The following ABCA13 variants were observed in gnomAD, a reference collection of about 807,000 sequenced individuals.
The protein encoded by ABCA13 is ATP-binding cassette sub-family A member 13.
In ABCA13, 476 loss-of-function variants were observed where a neutral mutation model predicts 478.7. That is an observed-to-expected ratio of 0.99 (90% CI 0.92 to 1.07). ABCA13 has a LOEUF of 1.07. ABCA13 is among the 50% of genes least tolerant of loss of function. The pLI is 0.00. For missense variants in ABCA13, 6,060 were observed against 5,910.6 expected, an observed-to-expected ratio of 1.03 and a Z score of -0.83; for synonymous variants, 2,252 against 2,158.9, an observed-to-expected ratio of 1.04 and a Z score of -1.20.
chr7:48,446,220 C>A (rs1234766447), intron 42 of ABCA13, among the ~76,000 whole-genome samples: 2 of 152,084 alleles, frequency 1.3e-5, no homozygotes, highest in Non-Finnish European at 2.9e-5. Flanking sequence ...CATTAAGGAG[C>A]ACCCCAAGTT....
chr7:48,268,850 CT>C (rs57201740), intron 15 of ABCA13, 129 bp from the exon 16 acceptor site: 31,273 of 244,626 alleles, frequency 0.13, 261 homozygotes, highest in South Asian at 0.16. Flanking sequence ...TCCTACTCAT[CT>C]TTTTTTTTTT....
chr7:48,536,146 C>T (rs1184048677), intron 55 of ABCA13, among the ~76,000 whole-genome samples: 1 of 152,188 alleles, frequency 6.6e-6, no homozygotes, highest in Non-Finnish European at 1.5e-5. Flanking sequence ...CCTCCTTTCC[C>T]TCTATGGTAA....
intron 55 of ABCA13, among the ~76,000 whole-genome samples, chr7:48,549,592 T>A (rs1785127940): frequency 6.6e-6 from 1 of 151,856 alleles, no homozygotes; most frequent in Admixed American, 6.6e-5. Context: ...GTAATTGGAT[T>A]GCTGGATCAA....
chr7:48,219,538 T>C (rs1213507146), intron 4 of ABCA13, 33 bp downstream of exon 4: 4 of 1,589,010 alleles, frequency 2.5e-6, no homozygotes, highest in East Asian at 4.5e-5. Context: ...TGACACTACC[T>C]ACCTGGACAT....
intron 2 of ABCA13, among the ~76,000 whole-genome samples, chr7:48,195,572 T>C (rs1562750944): frequency 6.6e-6 from 1 of 151,972 alleles, no homozygotes; most frequent in African/African-American, 2.4e-5. Context: ...ACAGGACATG[T>C]GGGGGATTTG....
chr7:48,300,349 G>T (rs1563000531), intron 23 of ABCA13, among the ~76,000 whole-genome samples: 1 of 152,218 alleles, frequency 6.6e-6, no homozygotes, highest in South Asian at 2.1e-4. Flanking sequence ...TGCATGACAG[G>T]CATGGTCCCA....
intron 3 of ABCA13, among the ~76,000 whole-genome samples, chr7:48,210,225 A>C (rs1342406116): frequency 2.0e-5 from 3 of 152,136 alleles, no homozygotes; most frequent in African/African-American, 7.2e-5. Flanking sequence ...AGAAGCATAG[A>C]GCAAAGGGGG....
intron 3 of ABCA13, among the ~76,000 whole-genome samples, chr7:48,215,715 C>T (rs1040160142): frequency 3.9e-5 from 6 of 152,186 alleles, no homozygotes; most frequent in African/African-American, 1.2e-4. Flanking sequence ...CCCAACCTGA[C>T]AAGAAAATCT....
intron 59 of ABCA13, among the ~76,000 whole-genome samples, chr7:48,622,633 CT>C (rs1399866508): frequency 1.3e-5 from 2 of 152,084 alleles, no homozygotes; most frequent in Non-Finnish European, 2.9e-5. Context: ...TCTTTTATCT[CT>C]TTTGTCTTCA....
At chr7:48,189,857 A>G (rs1796861067) in intron 1 of ABCA13, among the ~76,000 whole-genome samples, 1 of 152,242 alleles carries the variant, frequency 6.6e-6, no homozygotes, top group Non-Finnish European at 1.5e-5. Context: ...GTAATACCAT[A>G]AGCCATGAAA....
At chr7:48,292,066 C>A (rs1462572868) in intron 20 of ABCA13, among the ~76,000 whole-genome samples, 1 of 152,166 alleles carries the variant, frequency 6.6e-6, no homozygotes, top group Non-Finnish European at 1.5e-5. Context: ...ACCTAAAAAT[C>A]CCAATTACTT....
chr7:48,317,856 C>T (rs945588567), intron 27 of ABCA13, among the ~76,000 whole-genome samples: 14 of 152,150 alleles, frequency 9.2e-5, no homozygotes, highest in Admixed American at 2.6e-4. Flanking sequence ...TTTTCCTTTC[C>T]TTACATTGTT....
intron 59 of ABCA13, among the ~76,000 whole-genome samples, chr7:48,632,227 T>C (rs1224843806): frequency 6.6e-6 from 1 of 152,188 alleles, no homozygotes; most frequent in Admixed American, 6.5e-5. Context: ...CTAGAAGTAC[T>C]TGTTTTATGA....
At chr7:48,317,033 TG>T in intron 26 of ABCA13, 123 bp from the exon 27 acceptor site, 1 of 1,170,878 alleles carries the variant, frequency 8.5e-7, no homozygotes. Flanking sequence ...AAGTTCAGAG[TG>T]GTGTCAGAAA....
chr7:48,520,099 G>T lies in ABCA13; in HGVS notation c.13856G>T (p.Cys4619Phe). Residue 4619 changes from cysteine to phenylalanine, a missense_variant, in exon 53 of 62, where the codon TGT becomes TTT. By Grantham distance (205) the Cys-to-Phe change is radical (BLOSUM62 -2). Transcript: ENST00000435803. ...GTCTTTACTATTTTTCCTCAATTCT[G>T]TCTTGGTCAAGGACTGGTAGAACTC... ...KWVFTIFPQFCLGQGLVELCY... is the reference protein window; with the variant it reads ...KWVFTIFPQFFLGQGLVELCY... 1.2e-6 allele frequency: 2 copies of T among 1,613,400 alleles called. No homozygotes were observed. Among genetic ancestry groups the T allele is most frequent in the Non-Finnish European group, 1.7e-6 (2 of 1,179,660 alleles).
chr7:48,444,235 A>G (rs1013190438), intron 42 of ABCA13, among the ~76,000 whole-genome samples: 1 of 152,124 alleles, frequency 6.6e-6, no homozygotes, highest in Non-Finnish European at 1.5e-5. Flanking sequence ...CCTTCCTTCA[A>G]ATCATTTCCC....
rs780770306 is a variant in ABCA13, at chr7:48,279,499, A to G, written c.8305A>G (p.Asn2769Asp). 8 of 1,613,234 alleles carry G rather than the reference A, an allele frequency of 5.0e-6. No homozygotes were observed. Among genetic ancestry groups the G allele is most frequent in the Non-Finnish European group, 6.8e-6 (8 of 1,179,522 alleles). ...GTTGATGACATTTACTCAGCATCCA[A>G]ATAACCTTTTGAAAACCATAGAAAC... Reference protein sequence around the residue: ...NVLMTFTQHPNNLLKTIETVL... With the variant: ...NVLMTFTQHPDNLLKTIETVL... Residue 2769 changes from asparagine (N) to aspartate (D), a missense_variant, in exon 18 of 62, where the codon AAT (asparagine) becomes GAT (aspartate). Around this residue, in one of 3 missense-constraint regions of ABCA13, gnomAD observed 4,423 missense variants for 4,309.1 expected, o/e 1.03. Transcript: ENST00000435803.
chr7:48,262,567 C>T (rs1437714480), intron 15 of ABCA13, among the ~76,000 whole-genome samples: 1 of 151,842 alleles, frequency 6.6e-6, no homozygotes, highest in Non-Finnish European at 1.5e-5. Flanking sequence ...TTCTCATCTG[C>T]CGTTGTTTCC....
intron 36 of ABCA13, 112 bp downstream of exon 36, chr7:48,388,071 G>GA: frequency 1.7e-6 from 2 of 1,164,632 alleles, no homozygotes; most frequent in Non-Finnish European, 2.4e-6. Context: ...GATTCCTAGA[G>GA]AGACTTACAT....
Sources: allele counts gnomAD v4.1 joint callset (sites outside exome capture counted in the v4.1 genomes callset), GRCh38; gene constraint gnomAD v4.1.1; regional missense constraint gnomAD v4.1.1; transcripts MANE v1.5; gene names NCBI Gene and HGNC (gene_info 2026-07-23, HGNC 2026-07-21).